SLC4A10: variants seen among roughly 807,000 people sequenced by gnomAD.
SLC4A10 encodes the protein sodium-driven chloride bicarbonate exchanger.
SLC4A10 carries 42 observed loss-of-function variants against 137.7 expected under a neutral mutation model. The observed-to-expected ratio is 0.30, with a 90% CI of 0.24 to 0.39. The LOEUF (loss-of-function observed/expected upper bound fraction) is 0.39. Among genes scored for constraint, SLC4A10 ranks in the 10% least tolerant of loss-of-function variants. SLC4A10 has a pLI of 1.00. For synonymous variants in SLC4A10, 474 were observed against 464.1 expected (o/e 1.02, Z -0.27); for missense variants, 925 against 1,355.0 (o/e 0.68, Z 4.98).
chr2:161,934,838 C>A (rs1691278156), intron 15 of SLC4A10, among the ~76,000 whole-genome samples: 1 of 151,758 alleles, frequency 6.6e-6, no homozygotes, highest in Non-Finnish European at 1.5e-5. Flanking sequence ...AAACATTAAT[C>A]TCTTATCAGA....
chr2:161,739,438 G>A (rs2047659788), intron 1 of SLC4A10, among the ~76,000 whole-genome samples: 1 of 152,086 alleles, frequency 6.6e-6, no homozygotes, highest in Non-Finnish European at 1.5e-5. Flanking sequence ...TGCCTACTAT[G>A]GGACATTATG....
chr2:161,742,500 C>T (rs1574698790), intron 1 of SLC4A10, among the ~76,000 whole-genome samples: 1 of 131,086 alleles, frequency 7.6e-6, no homozygotes, highest in East Asian at 2.2e-4. Flanking sequence ...GGAGTGCAGT[C>T]GCTGATTTCG....
At chr2:161,709,299 T>A (rs1370813695) in intron 1 of SLC4A10, among the ~76,000 whole-genome samples, 2 of 151,790 alleles carry the variant, frequency 1.3e-5, no homozygotes, top group Non-Finnish European at 3.0e-5. Context: ...TAGAAACTGA[T>A]GCTGCTACCA....
chr2:161,893,858 T>C (rs1196769323), intron 10 of SLC4A10, among the ~76,000 whole-genome samples: 1 of 151,930 alleles, frequency 6.6e-6, no homozygotes, highest in African/African-American at 2.4e-5. Context: ...GTACAGATGC[T>C]CCTCAACTTT....
chr2:161,850,845 T>C (rs1241722816), intron 4 of SLC4A10, among the ~76,000 whole-genome samples: 3 of 152,150 alleles, frequency 2.0e-5, no homozygotes, highest in Non-Finnish European at 4.4e-5. Flanking sequence ...TATGTCGACA[T>C]TTAGCAGTAT....
At chr2:161,861,259 TAGA>T (rs1296229430) in intron 5 of SLC4A10, among the ~76,000 whole-genome samples, 2 of 152,318 alleles carry the variant, frequency 1.3e-5, no homozygotes, top group Non-Finnish European at 2.9e-5. Flanking sequence ...CTATGTCAGT[TAGA>T]CTTAGGATAA....
In SLC4A10 at chr2:161,687,392, A is replaced by G. The variant is rs567955803; in HGVS notation, c.48+62826A>G. Among the ~76,000 whole-genome samples, 73 of 152,296 alleles carry G rather than the reference A, an allele frequency of 4.8e-4. 2 individuals carry two copies. In the South Asian group the frequency reaches 0.015, roughly 31 times the overall value. On this transcript the variant is annotated intron_variant, in intron 1 of 26. Transcript: ENST00000446997. ...TTTTCTATGCTTTCTGTAATAAACA[A>G]GTATTATTTTAGGAGTTAGAAAAAA...
intron 3 of SLC4A10, among the ~76,000 whole-genome samples, chr2:161,827,704 T>C (rs2058109014): frequency 6.6e-6 from 1 of 151,612 alleles, no homozygotes; most frequent in South Asian, 2.1e-4. Flanking sequence ...TAGCTGGGAC[T>C]ACAGGCACGC....
chr2:161,857,968 T>G (rs1276412425), intron 5 of SLC4A10, among the ~76,000 whole-genome samples: 1 of 152,184 alleles, frequency 6.6e-6, no homozygotes, highest in East Asian at 1.9e-4. Flanking sequence ...TGCCTCAGCT[T>G]CCCAAAGTGC....
intron 7 of SLC4A10, 192 bp from the exon 8 acceptor site, chr2:161,873,724 A>G (rs2061289614): frequency 2.0e-6 from 1 of 495,400 alleles, no homozygotes; most frequent in Admixed American, 3.2e-5. Flanking sequence ...GGATGGAAGC[A>G]GTAGAGGAAG....
At chr2:161,736,847 A>T (rs1231692613) in intron 1 of SLC4A10, among the ~76,000 whole-genome samples, 3 of 151,984 alleles carry the variant, frequency 2.0e-5, no homozygotes, top group Non-Finnish European at 2.9e-5. Context: ...AAATGGAAGT[A>T]TTATTATTAT....
intron 1 of SLC4A10, among the ~76,000 whole-genome samples, chr2:161,761,243 C>T (rs1175824297): frequency 2.6e-5 from 4 of 151,888 alleles, no homozygotes; most frequent in South Asian, 2.1e-4. Flanking sequence ...ATGGGAGAAT[C>T]GGCAACAGAG....
chr2:161,835,345 A>G (rs1318571503), intron 3 of SLC4A10, among the ~76,000 whole-genome samples: 1 of 152,110 alleles, frequency 6.6e-6, no homozygotes, highest in Non-Finnish European at 1.5e-5. Context: ...CCAAGACTGC[A>G]TGTCTTATGT....
intron 1 of SLC4A10, among the ~76,000 whole-genome samples, chr2:161,744,789 T>C (rs2048241890): frequency 6.6e-6 from 1 of 152,180 alleles, no homozygotes; most frequent in Non-Finnish European, 1.5e-5. Context: ...ATTTATTTCT[T>C]ACTATGTCAT....
chr2:161,871,425 T>C (rs2061115500), intron 6 of SLC4A10, among the ~76,000 whole-genome samples: 1 of 151,928 alleles, frequency 6.6e-6, no homozygotes, highest in Non-Finnish European at 1.5e-5. Context: ...GGGAGATGTT[T>C]AATTTTCATT....
chr2:161,633,592 C>T (rs1037952831), intron 1 of SLC4A10, among the ~76,000 whole-genome samples: 12 of 151,608 alleles, frequency 7.9e-5, no homozygotes, highest in Non-Finnish European at 1.2e-4. Flanking sequence ...GAAAAAAATA[C>T]GTGTTATATC....
chr2:161,703,212 G>T (rs1043700717), intron 1 of SLC4A10, among the ~76,000 whole-genome samples: 2 of 151,684 alleles, frequency 1.3e-5, no homozygotes, highest in Non-Finnish European at 3.0e-5. Flanking sequence ...ATGTAAGGCT[G>T]TGTGCACAAA....
At chr2:161,755,686 C>T (rs943770509) in intron 1 of SLC4A10, among the ~76,000 whole-genome samples, 4 of 152,080 alleles carry the variant, frequency 2.6e-5, no homozygotes, top group African/African-American at 9.7e-5. Context: ...ATATCTTCAT[C>T]CCTTTAGAAT....
chr2:161,983,453 C>G lies in SLC4A10; in HGVS notation c.*301C>G. The G allele has an allele frequency of 1.8e-6, 1 of 540,700 alleles. No individual in the cohort carries two copies. Among genetic ancestry groups the G allele is most frequent in the Non-Finnish European group, 3.2e-6 (1 of 308,524 alleles). 33.5% of individuals were successfully genotyped at this position (540,700 alleles called of 1,614,324 possible). The stretch of plus-strand genomic sequence containing the variant: ...CAGATACAATAGCCAATGCAAGAAT[C>G]TGTGTGTTCCTTGCTGTACGTTAGA... On this transcript the variant is annotated 3_prime_UTR_variant, in exon 27 of 27. Transcript: ENST00000446997.
Sources: gnomAD v4.1 joint callset for allele counts (sites outside exome capture counted in the v4.1 genomes callset) on GRCh38, gnomAD v4.1.1 for gene constraint, MANE v1.5 for transcripts, NCBI Gene and HGNC (gene_info 2026-07-23, HGNC 2026-07-21) for gene names.